The following TMPRSS4 variants were observed in gnomAD, a reference collection of about 807,000 sequenced individuals.
The protein encoded by TMPRSS4 is transmembrane protease serine 4.
Under a neutral mutation model 56.4 loss-of-function variants are expected in TMPRSS4, and 45 were observed. That is an observed-to-expected ratio of 0.80 (90% confidence interval 0.63 to 1.02). The LOEUF is 1.02. Ranked by LOEUF, TMPRSS4 falls within the 50% of genes least tolerant of loss-of-function variation. TMPRSS4 has a pLI of 0.00. For synonymous variants in TMPRSS4, 205 were observed against 211.0 expected, an observed-to-expected ratio of 0.97 and a Z score of 0.25; for missense variants, 546 against 556.7, an observed-to-expected ratio of 0.98 and a Z score of 0.19.
chr11:118,112,024 G>A (rs1438341972), intron 8 of TMPRSS4, 124 bp downstream of exon 8: 7 of 1,366,224 alleles, frequency 5.1e-6, no homozygotes, highest in Non-Finnish European at 6.8e-6. Context: ...TTTCCAGGTT[G>A]TGGTGGCCCC....
Position 118,099,083 on chromosome 11 carries a change from A to G in TMPRSS4, c.142A>G (p.Ile48Val). ...IALLSLASII[I>V]VVVLIKVILD... is the part of the protein sequence containing the mutation. ...ACTACTGAGCCTGGCGAGTATCATC[A>G]TTGTGGTTGTCCTCAGTAAGTGACA... The change falls in exon 3 of 13, where the codon ATT becomes GTT. Residue 48 changes from isoleucine (I) to valine (V), a missense_variant. Physicochemically the swap from Ile to Val is conservative, Grantham distance 29. Transcript: ENST00000437212. 1 of 1,613,754 alleles carries G rather than the reference A, an allele frequency of 6.2e-7. No homozygotes were observed. Among genetic ancestry groups the G allele is most frequent in the Non-Finnish European group, 8.5e-7 (1 of 1,179,866 alleles).
chr11:118,077,153 C>A lies in TMPRSS4; in HGVS notation c.-150C>A. On this transcript the variant is annotated 5_prime_UTR_variant, in exon 1 of 13. Coordinates refer to ENST00000437212, the MANE Select transcript of TMPRSS4 (RefSeq NM_019894.4). ...GCTGGGCGTGAGGGACCAAGGCCTG[C>A]CCTGCACTCGGGCCTCCTCCAGCCA... The A allele has an allele frequency of 1.2e-6, 1 of 858,738 alleles. No individual in the cohort carries two copies. Among genetic ancestry groups the A allele is most frequent in the Non-Finnish European group, 1.8e-6 (1 of 564,480 alleles). The allele number at this position is 858,738 out of a possible 1,614,324, so 53.2% of individuals were successfully genotyped here.
Position 118,107,870 on chromosome 11 carries a change from A to C in TMPRSS4, c.537A>C (p.Ser179=), listed in dbSNP as rs752830523. ...ENSQELRMRN[S]SGPCLSGSLV... ...GCCAGGAGCTTCGCATGCGGAACTC[A>C]AGTGGGTAAGTGAGGGGACACCTTC... Residue 179 remains serine, a synonymous_variant, in exon 6 of 13, where the codon TCA becomes TCC. Transcript: ENST00000437212. 1 of 1,613,750 alleles carries C rather than the reference A, an allele frequency of 6.2e-7. No individual in the cohort carries two copies. Among genetic ancestry groups the C allele is most frequent in the Non-Finnish European group, 8.5e-7 (1 of 1,179,888 alleles).
chr11:118,115,498 G>C, intron 11 of TMPRSS4: 1 of 553,268 alleles, frequency 1.8e-6, no homozygotes, highest in Non-Finnish European at 3.2e-6. Flanking sequence ...CAAGCAGAGA[G>C]ATTTCAAATG....
intron 1 of TMPRSS4, among the ~76,000 whole-genome samples, chr11:118,083,925 C>G (rs915148814): frequency 6.6e-6 from 1 of 152,028 alleles, no homozygotes. Context: ...GTAATCCCAG[C>G]TACTCTGGAG....
rs1366179739 is a variant in TMPRSS4, at chr11:118,121,353, T to C, written c.*3440T>C. ...CACTCTGTCTACTTCTTCTTCTTCTTCTTCTTCTTCTTCTTCTTATTTTGA... is the reference window on the plus strand; with the variant it reads ...CACTCTGTCTACTTCTTCTTCTTCTCCTTCTTCTTCTTCTTCTTATTTTGA... On this transcript the variant is annotated 3_prime_UTR_variant, in exon 13 of 13. Transcript: ENST00000437212. 1 of 152,024 alleles carries C rather than the reference T, an allele frequency of 6.6e-6. No homozygotes were observed. Among genetic ancestry groups the C allele is most frequent in the Non-Finnish European group, 1.5e-5 (1 of 67,994 alleles). The allele number at this position is 152,024 out of a possible 1,614,324, so 9.4% of individuals were successfully genotyped here.
downstream of TMPRSS4, among the ~76,000 whole-genome samples, chr11:118,124,116 G>A (rs1190972858): frequency 6.6e-6 from 1 of 152,110 alleles, no homozygotes; most frequent in East Asian, 1.9e-4. Context: ...GCCAGGCATG[G>A]TGGCTCATGC....
chr11:118,122,530 A>T (rs527990947), downstream of TMPRSS4, among the ~76,000 whole-genome samples: 50 of 152,326 alleles, frequency 3.3e-4, 2 homozygotes, highest in South Asian at 6.2e-4. Flanking sequence ...ATAGAAAATT[A>T]AAAAAATCAT....
chr11:118,079,640 C>T (rs1490505933), intron 1 of TMPRSS4, among the ~76,000 whole-genome samples: 2 of 152,190 alleles, frequency 1.3e-5, no homozygotes, highest in African/African-American at 4.8e-5. Context: ...TGAGGTCAAC[C>T]CCCTGACGCT....
At chr11:118,094,219 A>C (rs1946157984) in intron 1 of TMPRSS4, among the ~76,000 whole-genome samples, 1 of 152,204 alleles carries the variant, frequency 6.6e-6, no homozygotes, top group Non-Finnish European at 1.5e-5. Context: ...ATTCAGCCAA[A>C]CCATTTTCCA....
intron 7 of TMPRSS4, among the ~76,000 whole-genome samples, chr11:118,110,254 G>A (rs1483084302): frequency 6.6e-6 from 1 of 152,164 alleles, no homozygotes; most frequent in Non-Finnish European, 1.5e-5. Context: ...AGAGTTCAGT[G>A]GTCCCCAACC....
chr11:118,106,556 C>T (rs1947000043), intron 5 of TMPRSS4: 2 of 151,542 alleles, frequency 1.3e-5, no homozygotes, highest in African/African-American at 4.9e-5. Flanking sequence ...ACCATCTCTG[C>T]TTACTGCAAC....
chr11:118,114,567 TG>T (rs1277285416), intron 9 of TMPRSS4, among the ~76,000 whole-genome samples: 1 of 152,176 alleles, frequency 6.6e-6, no homozygotes, highest in Non-Finnish European at 1.5e-5. Flanking sequence ...TATCTGTCCC[TG>T]GGGTGATTTA....
intron 1 of TMPRSS4, among the ~76,000 whole-genome samples, chr11:118,080,963 A>G (rs369851842): frequency 2.0e-5 from 3 of 152,210 alleles, no homozygotes; most frequent in African/African-American, 7.2e-5. Flanking sequence ...AAGTGCAATC[A>G]TCTACCACAT....
downstream of TMPRSS4, among the ~76,000 whole-genome samples, chr11:118,122,194 C>A (rs985351935): frequency 6.6e-6 from 1 of 152,050 alleles, no homozygotes; most frequent in African/African-American, 2.4e-5. Context: ...TACTAATAAT[C>A]GCAATAAATA....
At chr11:118,125,476 G>T (rs1947870814), downstream of TMPRSS4, 1 of 392,504 alleles carries the variant, frequency 2.5e-6, no homozygotes, top group Non-Finnish European at 5.2e-6. Flanking sequence ...CCCTGGGATT[G>T]AACCCCCAAA....
chr11:118,091,029 G>A (rs1945912218), intron 1 of TMPRSS4, among the ~76,000 whole-genome samples: 1 of 152,018 alleles, frequency 6.6e-6, no homozygotes, highest in Non-Finnish European at 1.5e-5. Context: ...ATGAATGCAG[G>A]CATGCATGCA....
chr11:118,118,854 A>T lies in TMPRSS4; in HGVS notation c.*941A>T, dbSNP rs1947694236. ...AACTTTTTCCGCCTGGAGAGCCCTC[A>T]GTGTGGCTTCTTACATTTAAAAAAC... On this transcript the variant is annotated 3_prime_UTR_variant, in exon 13 of 13. Coordinates refer to ENST00000437212, the MANE Select transcript of TMPRSS4 (RefSeq NM_019894.4). 1.0e-6 allele frequency: 1 copy of T among 985,316 alleles called. No individual in the cohort carries two copies. Among genetic ancestry groups the T allele is most frequent in the South Asian group, 4.7e-5 (1 of 21,292 alleles). The allele number at this position is 985,316 out of a possible 1,614,324, so 61.0% of individuals were successfully genotyped here. A position where few individuals can be genotyped will look rare whatever the true frequency, so the allele number is the denominator to read the frequency against.
intron 2 of TMPRSS4, 111 bp downstream of exon 2, chr11:118,094,966 G>A (rs1207805128): frequency 9.0e-7 from 1 of 1,106,144 alleles, no homozygotes; most frequent in Non-Finnish European, 1.4e-6. Context: ...AAAGTGCTAA[G>A]TGCCATGAGT....
Sources: gnomAD v4.1 joint callset for allele counts (sites outside exome capture counted in the v4.1 genomes callset) on GRCh38, gnomAD v4.1.1 for gene constraint, MANE v1.5 for transcripts, NCBI Gene and HGNC (gene_info 2026-07-23, HGNC 2026-07-21) for gene names.